The following PHLDB2 variants were observed in gnomAD, a reference collection of about 807,000 sequenced individuals.
PHLDB2 encodes pleckstrin homology like domain family B member 2, also known as pleckstrin homology-like domain family B member 2.
PHLDB2 carries 71 observed loss-of-function variants against 123.6 expected under a neutral mutation model. The ratio of observed to expected loss-of-function variants is 0.57; its 90% CI spans 0.47 to 0.70. PHLDB2 has a LOEUF of 0.70. Ranked by LOEUF, PHLDB2 falls within the 30% of genes least tolerant of loss-of-function variation. The pLI is 0.00. For missense variants in PHLDB2, 1,446 were observed against 1,519.5 expected (o/e 0.95, Z 0.80); for synonymous variants, 547 against 541.6 (o/e 1.01, Z -0.14).
chr3:111,893,978 T>C (rs1391191412), intron 2 of PHLDB2, among the ~76,000 whole-genome samples: 8 of 148,994 alleles, frequency 5.4e-5, no homozygotes, highest in Non-Finnish European at 1.0e-4. Flanking sequence ...GTTACATACG[T>C]ATACATGTGC....
intron 2 of PHLDB2, among the ~76,000 whole-genome samples, chr3:111,908,563 T>C (rs2067690625): frequency 6.6e-6 from 1 of 152,220 alleles, no homozygotes; most frequent in Non-Finnish European, 1.5e-5. Flanking sequence ...AGGCATGTGA[T>C]GAATTATGCC....
chr3:111,957,142 A>C (rs544115901), intron 12 of PHLDB2: 17 of 152,758 alleles, frequency 1.1e-4, no homozygotes, highest in African/African-American at 4.1e-4. Context: ...CTGAAGTTGG[A>C]ATGGTTATTG....
chr3:111,866,017 T>TTTC, intron 1 of PHLDB2, among the ~76,000 whole-genome samples: 1 of 90,010 alleles, frequency 1.1e-5, no homozygotes. Context: ...CCCACTCATT[T>TTTC]TTTTTTTTTT....
intron 1 of PHLDB2, among the ~76,000 whole-genome samples, chr3:111,736,003 C>G (rs1285924509): frequency 6.6e-6 from 1 of 152,146 alleles, no homozygotes; most frequent in African/African-American, 2.4e-5. Flanking sequence ...ATTATTTGAT[C>G]AGATCCTTAG....
chr3:111,943,119 G>A (rs1192796654), intron 8 of PHLDB2, among the ~76,000 whole-genome samples: 1 of 152,120 alleles, frequency 6.6e-6, no homozygotes, highest in Non-Finnish European at 1.5e-5. Flanking sequence ...AAAGTTGGAG[G>A]ATTTGTACTC....
At position 111,976,384 on chromosome 3, in the gene PHLDB2, G is replaced by A. The variant is rs960887378; in HGVS notation, c.*1821G>A. Reference sequence around the variant, plus strand: ...GTGTGCTAACATTATGATTTGTAGTGTATAAACTGAAGTATTCCAATAGAA... The same window carrying A: ...GTGTGCTAACATTATGATTTGTAGTATATAAACTGAAGTATTCCAATAGAA... On this transcript the variant is annotated 3_prime_UTR_variant, in exon 18 of 18. Coordinates refer to ENST00000431670, the MANE Select transcript of PHLDB2 (RefSeq NM_001134438.2). 3 of 152,166 alleles carry A rather than the reference G, an allele frequency of 2.0e-5. No homozygotes were observed. Among genetic ancestry groups the A allele is most frequent in the Non-Finnish European group, 4.4e-5 (3 of 68,016 alleles). The allele number at this position is 152,166 out of a possible 1,614,324, so 9.4% of individuals were successfully genotyped here. A position where few individuals can be genotyped will look rare whatever the true frequency, so the allele number is the denominator to read the frequency against.
At chr3:111,894,931 C>CAT (rs1553746380) in intron 2 of PHLDB2, among the ~76,000 whole-genome samples, 1 of 149,818 alleles carries the variant, frequency 6.7e-6, no homozygotes, top group South Asian at 2.1e-4. Context: ...TGCTGGTTTG[C>CAT]GTGTGTGTGT....
At chr3:111,851,194 TAAAAAAAAAAAAA>T (rs11309576) in intron 2 of PHLDB2, among the ~76,000 whole-genome samples, 2 of 103,658 alleles carry the variant, frequency 1.9e-5, no homozygotes, top group Non-Finnish European at 3.8e-5. Context: ...GATTCTGTCT[TAAAAAAAAAAAAA>T]AAAAAAAAAG....
intron 1 of PHLDB2, among the ~76,000 whole-genome samples, chr3:111,788,625 A>G (rs1441539511): frequency 6.6e-6 from 1 of 152,228 alleles, no homozygotes; most frequent in African/African-American, 2.4e-5. Flanking sequence ...AACCTACCAC[A>G]CAGGGATGCT....
Position 111,911,370 on chromosome 3 carries a change from T to C in PHLDB2, c.1336-1949T>C, listed in dbSNP as rs1052757814. 1.2e-3 allele frequency among the ~76,000 whole-genome samples: 190 copies of C among 152,364 alleles called. 4 individuals carry two copies. The highest frequency in any genetic ancestry group is 0.012 in the Admixed American group (189 of 15,308). On this transcript the variant is annotated intron_variant, in intron 2 of 17. Transcript: ENST00000431670. ...GAACTTTCCTTCAGAGATTCGCCTC[T>C]AATATAGATGCTATTGAGAAGTAAA... is the stretch of plus-strand genomic sequence containing the variant.
At chr3:111,791,232 G>A (rs939028955) in intron 1 of PHLDB2, among the ~76,000 whole-genome samples, 2 of 152,204 alleles carry the variant, frequency 1.3e-5, no homozygotes, top group Admixed American at 6.5e-5. Flanking sequence ...GAAAGGCTAT[G>A]TGCAAGACTG....
chr3:111,882,774 C>T (rs1345435191), intron 1 of PHLDB2, among the ~76,000 whole-genome samples: 1 of 152,088 alleles, frequency 6.6e-6, no homozygotes, highest in East Asian at 1.9e-4. Context: ...GTGTGTGAAG[C>T]TAAGCAACAG....
chr3:111,955,286 C>G (rs1182710188), intron 12 of PHLDB2, among the ~76,000 whole-genome samples: 1 of 151,738 alleles, frequency 6.6e-6, no homozygotes, highest in Non-Finnish European at 1.5e-5. Context: ...ATCAAATAAA[C>G]TGATTGAACT....
upstream of PHLDB2, among the ~76,000 whole-genome samples, chr3:111,857,470 G>GA (rs1665561998): frequency 1.1e-5 from 1 of 87,524 alleles, no homozygotes; most frequent in African/African-American, 3.3e-5. Flanking sequence ...AAAAAGAAAA[G>GA]AAAAGAAAAA....
rs567057264 is a variant in PHLDB2 at position 111,866,620 on chromosome 3, G to A, written c.-15+7044G>A. Among the ~76,000 whole-genome samples, 13 of 152,278 alleles carry A rather than the reference G, an allele frequency of 8.5e-5. No homozygotes were observed. In the South Asian group the frequency reaches 2.5e-3, roughly 29 times the overall value. On this transcript the variant is annotated intron_variant, in intron 1 of 17. Coordinates refer to ENST00000431670, the MANE Select transcript of PHLDB2 (RefSeq NM_001134438.2). ...TCCTCAGCTTCCAGTTAAAGTCCAC[G>A]GAGGTGGTTTCAGGGTCAAGAGAGA...
chr3:111,736,903 C>T (rs1275592417), intron 1 of PHLDB2, among the ~76,000 whole-genome samples: 1 of 152,152 alleles, frequency 6.6e-6, no homozygotes, highest in Non-Finnish European at 1.5e-5. Context: ...GATAAGCCAC[C>T]ACTGTCTTCT....
intron 8 of PHLDB2, among the ~76,000 whole-genome samples, chr3:111,944,283 ATGCTCTTTATCTTGTCTAG>A (rs1338688022): frequency 2.6e-5 from 4 of 152,154 alleles, no homozygotes; most frequent in African/African-American, 9.7e-5. Context: ...GGTGACAGAA[ATGCTCTTTATCTTGTCTAG>A]GATATTATTC....
chr3:111,861,852 C>T (rs2064849109), intron 1 of PHLDB2, among the ~76,000 whole-genome samples: 1 of 152,128 alleles, frequency 6.6e-6, no homozygotes, highest in Non-Finnish European at 1.5e-5. Flanking sequence ...TTCTTCAAAG[C>T]TCCATTTTGA....
chr3:111,946,364 A>C (rs545228709), intron 9 of PHLDB2, among the ~76,000 whole-genome samples: 1 of 152,320 alleles, frequency 6.6e-6, no homozygotes, highest in African/African-American at 2.4e-5. Flanking sequence ...TAAAAAGCTA[A>C]AAGAAAAGCT....
Sources: gnomAD v4.1 joint callset for allele counts (sites outside exome capture counted in the v4.1 genomes callset) on GRCh38, gnomAD v4.1.1 for gene constraint, MANE v1.5 for transcripts, NCBI Gene and HGNC (gene_info 2026-07-23, HGNC 2026-07-21) for gene names.